FGD5: variants seen among roughly 807,000 people sequenced by gnomAD.
FGD5 encodes the protein FYVE, RhoGEF and PH domain-containing protein 5.
A neutral mutation model predicts 133.4 loss-of-function variants in FGD5; 28 were observed. The ratio of observed to expected loss-of-function variants is 0.21; its 90% CI spans 0.16 to 0.29. The LOEUF is 0.29. Ranked by LOEUF, FGD5 falls within the 10% of genes least tolerant of loss-of-function variation. The pLI is 1.00. For synonymous variants in FGD5, 810 were observed against 776.5 expected (o/e 1.04, Z -0.72); for missense variants, 1,858 against 1,895.2 (o/e 0.98, Z 0.36).
rs369868998 is a variant in FGD5, at chr3:14,909,972, G to T, written c.3337-889G>T. On this transcript the variant is annotated intron_variant, in intron 10 of 19. Coordinates refer to ENST00000285046, the MANE Select transcript of FGD5 (RefSeq NM_152536.4). ...GTAGAGACAGAGTTTCACCATATTGGCCAGGCTGGTTTTGAACTCCTGACC... is the reference window on the plus strand; with the variant it reads ...GTAGAGACAGAGTTTCACCATATTGTCCAGGCTGGTTTTGAACTCCTGACC... Among the ~76,000 whole-genome samples, 13 of 151,812 alleles carry T rather than the reference G, an allele frequency of 8.6e-5. No individual in the cohort carries two copies. The East Asian group carries it at 1.7e-3, about 20-fold the overall frequency.
intron 4 of FGD5, 174 bp from the exon 5 acceptor site, chr3:14,897,335 G>A (rs2038156561): frequency 2.8e-6 from 2 of 718,164 alleles, no homozygotes; most frequent in Non-Finnish European, 4.5e-6. Context: ...GTCGCCAGGT[G>A]CATGTGGTCA....
chr3:14,928,849 C>T (rs1165640554), intron 18 of FGD5, among the ~76,000 whole-genome samples: 4 of 152,148 alleles, frequency 2.6e-5, no homozygotes, highest in Non-Finnish European at 5.9e-5. Context: ...TCTATTCATC[C>T]TTCTATACCT....
At position 14,880,631 on chromosome 3, in the gene FGD5, G is replaced by T. The variant is rs748792580; in HGVS notation, c.2717+1G>T. On this transcript the variant is annotated splice_donor_variant, in intron 3 of 19. Transcript: ENST00000285046. LOFTEE classifies it high-confidence loss of function. ...AGGAACTGCTATCTTCAGAGAAAGC[G>T]TGAGTCCCCAAGGAGCTGCCTGTGG... The T allele has an allele frequency of 1.2e-6, 2 of 1,614,006 alleles. No individual in the cohort carries two copies. Among genetic ancestry groups the T allele is most frequent in the Non-Finnish European group, 1.7e-6 (2 of 1,179,898 alleles).
upstream of FGD5, among the ~76,000 whole-genome samples, chr3:14,818,461 T>C (rs1375187272): frequency 1.3e-5 from 2 of 152,184 alleles, no homozygotes; most frequent in Non-Finnish European, 2.9e-5. Flanking sequence ...AGAGTCTGTT[T>C]TCTCTTCTTG....
chr3:14,815,257 A>G (rs2036351570), upstream of FGD5, among the ~76,000 whole-genome samples: 1 of 151,668 alleles, frequency 6.6e-6, no homozygotes, highest in Non-Finnish European at 1.5e-5. Flanking sequence ...TGTTTCTTGG[A>G]TGCCAAGTGA....
chr3:14,877,213 C>G (rs998548838), intron 2 of FGD5, among the ~76,000 whole-genome samples: 6 of 152,252 alleles, frequency 3.9e-5, no homozygotes, highest in Non-Finnish European at 7.3e-5. Context: ...TGGGCAACGC[C>G]CAGAAGCAGT....
intron 10 of FGD5, among the ~76,000 whole-genome samples, chr3:14,909,998 C>T (rs2038416980): frequency 6.6e-6 from 1 of 151,706 alleles, no homozygotes. Context: ...ACTCCTGACC[C>T]TGTGATCTGC....
chr3:14,866,323 A>G (rs1434486305), intron 2 of FGD5, among the ~76,000 whole-genome samples: 2 of 152,066 alleles, frequency 1.3e-5, no homozygotes, highest in African/African-American at 4.8e-5. Context: ...TTGTTTCTGA[A>G]TCCTTGAGAC....
intron 4 of FGD5, among the ~76,000 whole-genome samples, chr3:14,893,747 T>TTTTTC (rs1198936246): frequency 3.0e-5 from 3 of 100,620 alleles, no homozygotes; most frequent in African/African-American, 7.8e-5. Flanking sequence ...TTTCTTTTCT[T>TTTTTC]TTTTCTTTTT....
chr3:14,836,510 G>A (rs911702374), intron 1 of FGD5, among the ~76,000 whole-genome samples: 5 of 152,232 alleles, frequency 3.3e-5, no homozygotes, highest in Non-Finnish European at 7.3e-5. Flanking sequence ...CAGCAGCACC[G>A]TGAGTGAGGA....
rs760484848 is a variant in FGD5, at chr3:14,819,963, G to C, written c.892G>C (p.Asp298His). Residue 298 changes from aspartate to histidine, a missense_variant, in exon 1 of 20, where the codon GAC becomes CAC. By Grantham distance (81) the Asp-to-His change is moderately conservative (BLOSUM62 -1). Around this residue, in one of 3 missense-constraint regions of FGD5, gnomAD observed 1,824 missense variants for 1,848.9 expected, o/e 0.99. Transcript: ENST00000285046. The surrounding 1 kb of genome is among the most constrained non-coding windows in gnomAD (Gnocchi z 4.1). The stretch of plus-strand genomic sequence containing the variant: ...ACAGGTTGACCTCAGTGAACCACCT[G>C]ACCACGAGAAGAAAACCAACCAAGA... ...GEQVDLSEPPDHEKKTNQEVA... is the reference protein window; with the variant it reads ...GEQVDLSEPPHHEKKTNQEVA... 29 of 1,613,948 alleles carry C rather than the reference G, an allele frequency of 1.8e-5. No homozygotes were observed. The highest frequency in any genetic ancestry group is 2.4e-5 in the Non-Finnish European group (28 of 1,179,866).
chr3:14,857,983 G>T (rs2037318223), intron 1 of FGD5, among the ~76,000 whole-genome samples: 1 of 151,798 alleles, frequency 6.6e-6, no homozygotes, highest in Non-Finnish European at 1.5e-5. Flanking sequence ...GCTTGAAGTG[G>T]CACAGCTGGG....
rs538265828 is a variant in FGD5 at position 14,933,012 on chromosome 3, C to T, written c.4353-119C>T. 6.5e-5 allele frequency: 79 copies of T among 1,209,120 alleles called. No individual in the cohort carries two copies. In the East Asian group the frequency reaches 1.4e-3, roughly 21 times the overall value. 74.9% of individuals were successfully genotyped at this position (1,209,120 alleles called of 1,614,324 possible). A position where few individuals can be genotyped will look rare whatever the true frequency, so the allele number is the denominator to read the frequency against. ...CATGTTTGAGAAACAAATACAATTA[C>T]GACATGGTCCTTGACTTCAAACTAA... On this transcript the variant is annotated intron_variant, in intron 19 of 19. Transcript: ENST00000285046.
chr3:14,810,873 GCCCGGCGACC>G (rs2036281444), intron 1 of FGD5: 2 of 985,080 alleles, frequency 2.0e-6, no homozygotes, highest in Non-Finnish European at 2.4e-6. Flanking sequence ...CAGGTAGGAG[GCCCGGCGACC>G]TCCGGCGCCG....
chr3:14,900,867 A>G (rs2038225379), intron 8 of FGD5, 136 bp from the exon 9 acceptor site: 1 of 892,554 alleles, frequency 1.1e-6, no homozygotes, highest in South Asian at 1.4e-5. Flanking sequence ...CATGCATGAC[A>G]GTGGTCAAAT....
At chr3:14,930,630 A>G (rs1312380742) in intron 18 of FGD5, 3 of 152,132 alleles carry the variant, frequency 2.0e-5, no homozygotes, top group Non-Finnish European at 2.9e-5. Flanking sequence ...TGGGCATTCT[A>G]GGCCTTTTAT....
chr3:14,882,697 G>GAA (rs140724200), intron 4 of FGD5, among the ~76,000 whole-genome samples: 55 of 123,564 alleles, frequency 4.5e-4, no homozygotes, highest in East Asian at 4.4e-3. Flanking sequence ...GACTCTGTCT[G>GAA]AAAAAAAAAA....
rs1029179796 is a variant in FGD5, at chr3:14,922,887, C to T, written c.3808-159C>T. Reference sequence around the variant, plus strand: ...CGCTGGCTCAGAAACAAGATGAAGCCTTGCCGGAAAAGTAGGGGACACGCA... The same window carrying T: ...CGCTGGCTCAGAAACAAGATGAAGCTTTGCCGGAAAAGTAGGGGACACGCA... On this transcript the variant is annotated intron_variant, in intron 15 of 19. Transcript: ENST00000285046. This position sits in a 1 kb window ranked among gnomAD's most constrained non-coding sequence, Gnocchi z 4.1. 2.6e-4 allele frequency among the ~76,000 whole-genome samples: 39 copies of T among 152,128 alleles called. No homozygotes were observed. Among genetic ancestry groups the T allele is most frequent in the African/African-American group, 9.2e-4 (38 of 41,422 alleles).
chr3:14,926,175 C>G lies in FGD5; in HGVS notation c.4174C>G (p.Leu1392Val), dbSNP rs1205715250. 1 of 1,613,676 alleles carries G rather than the reference C, an allele frequency of 6.2e-7. No homozygotes were observed. Among genetic ancestry groups the G allele is most frequent in the Non-Finnish European group, 8.5e-7 (1 of 1,179,712 alleles). Reference protein sequence around the residue: ...KLWFVIKGKVLYTYMASEDKV... With the variant: ...KLWFVIKGKVVYTYMASEDKV... ...CTGGTTTGTCATCAAAGGCAAAGTTCTCTACACCTACATGGCCAGTGAGGT... is the reference window on the plus strand; with the variant it reads ...CTGGTTTGTCATCAAAGGCAAAGTTGTCTACACCTACATGGCCAGTGAGGT... The change falls in exon 18 of 20, where the codon CTC becomes GTC. Residue 1392 changes from leucine to valine, a missense_variant. Leu to Val is a conservative substitution (Grantham distance 32). Coordinates refer to ENST00000285046, the MANE Select transcript of FGD5 (RefSeq NM_152536.4).
Sources: gnomAD v4.1 joint callset for allele counts (sites outside exome capture counted in the v4.1 genomes callset) on GRCh38, gnomAD v4.1.1 for gene constraint, gnomAD v4.1.1 regional missense constraint, Gnocchi (gnomAD v3.1) non-coding constraint, MANE v1.5 for transcripts, NCBI Gene and HGNC (gene_info 2026-07-23, HGNC 2026-07-21) for gene names.